CLDN14: variants seen among roughly 807,000 people sequenced by gnomAD.
CLDN14 encodes claudin 14, also known as claudin-14.
A neutral mutation model predicts 2.1 loss-of-function variants in CLDN14; 2 were observed. The observed-to-expected ratio is 0.96, with a 90% CI of 0.39 to 3.01. CLDN14 has a LOEUF of 3.01. Ranked by LOEUF, CLDN14 falls within the 30% of genes most tolerant of loss-of-function variation. The probability of loss-of-function intolerance (pLI) is 0.09; values close to 1 mark genes in which losing one functional copy is unlikely to be tolerated. For synonymous variants in CLDN14, 136 were observed against 154.4 expected (o/e 0.88, Z 0.88); for missense variants, 298 against 328.0 (o/e 0.91, Z 0.71).
chr21:36,532,747 A>G (rs1328639798), intron 1 of CLDN14, among the ~76,000 whole-genome samples: 1 of 152,194 alleles, frequency 6.6e-6, no homozygotes, highest in African/African-American at 2.4e-5. Flanking sequence ...GCGGGGAGAA[A>G]GAAAAATCAG....
rs573798801 is a variant in CLDN14 at position 36,531,291 on chromosome 21, GT to G, written c.-219-20792del. Among the ~76,000 whole-genome samples, 448 of 144,236 alleles carry G rather than the reference GT, an allele frequency of 3.1e-3. 6 individuals are homozygous for G. The East Asian group carries it at 0.051, about 16-fold the overall frequency. The allele number at this position is 144,236 out of a possible 152,430, so 94.6% of individuals were successfully genotyped here. ...AAATATATATATATTTGCTATAAAT[GT>G]TTTTTTTTTTTTGAGACAGTCTCAC... On this transcript the variant is annotated intron_variant, in intron 1 of 2. Coordinates refer to the CLDN14 transcript ENST00000342108.
chr21:36,542,186 A>G (rs2015187), intron 1 of CLDN14, among the ~76,000 whole-genome samples: 73,980 of 151,978 alleles, frequency 0.49, 20,199 homozygotes, highest in Middle Eastern at 0.63. Context: ...GCTGGTCTTG[A>G]ACTACTGACC....
At chr21:36,576,182 A>G (rs931982145) in intron 1 of CLDN14, among the ~76,000 whole-genome samples, 2 of 152,218 alleles carry the variant, frequency 1.3e-5, no homozygotes, top group East Asian at 3.9e-4. Context: ...GGTCACTTAA[A>G]ACAAGCTGGT....
intron 1 of CLDN14, among the ~76,000 whole-genome samples, chr21:36,568,508 G>A (rs1003216949): frequency 2.0e-5 from 3 of 152,178 alleles, no homozygotes; most frequent in African/African-American, 7.2e-5. Flanking sequence ...TGGGGCAGTG[G>A]GGGACAGTTC....
intron 1 of CLDN14, among the ~76,000 whole-genome samples, chr21:36,561,531 T>G (rs1049468714): frequency 2.0e-5 from 3 of 152,068 alleles, no homozygotes; most frequent in Non-Finnish European, 4.4e-5. Flanking sequence ...AGCTTAGCTA[T>G]CTAGTGGCCA....
At chr21:36,556,187 G>T (rs1195164885) in intron 1 of CLDN14, among the ~76,000 whole-genome samples, 1 of 152,126 alleles carries the variant, frequency 6.6e-6, no homozygotes, top group Non-Finnish European at 1.5e-5. Context: ...TTAGGGACTT[G>T]CCATTTGCTT....
chr21:36,561,788 A>T (rs371189), intron 1 of CLDN14, among the ~76,000 whole-genome samples: 1 of 152,070 alleles, frequency 6.6e-6, no homozygotes, highest in East Asian at 1.9e-4. Flanking sequence ...CCTTCTGTAG[A>T]CTACTTATGT....
At chr21:36,475,493 TTCGAGCTCCTCTCC>T in intron 1 of CLDN14, among the ~76,000 whole-genome samples, 1 of 152,334 alleles carries the variant, frequency 6.6e-6, no homozygotes, top group East Asian at 1.9e-4. Flanking sequence ...CATGGGAATT[TTCGAGCTCCTCTCC>T]CCCACCCGGT....
chr21:36,486,600 A>T (rs1450355235), intron 2 of CLDN14: 40 of 1,544,178 alleles, frequency 2.6e-5, no homozygotes, highest in Admixed American at 1.0e-4. Context: ...ACCAGATGAG[A>T]ACCGCTTCCA....
At chr21:36,539,109 A>T (rs975490141) in intron 1 of CLDN14, among the ~76,000 whole-genome samples, 19 of 152,246 alleles carry the variant, frequency 1.2e-4, no homozygotes, top group African/African-American at 4.3e-4. Context: ...CCAATTTAAG[A>T]GATGCCGAGA....
intron 1 of CLDN14, among the ~76,000 whole-genome samples, chr21:36,530,934 T>C (rs2087374450): frequency 6.6e-6 from 1 of 152,148 alleles, no homozygotes; most frequent in South Asian, 2.1e-4. Flanking sequence ...TAAAGCAACA[T>C]TTAAAATAAT....
At chr21:36,530,479 T>C (rs972074392) in intron 1 of CLDN14, among the ~76,000 whole-genome samples, 1 of 152,262 alleles carries the variant, frequency 6.6e-6, no homozygotes, top group Non-Finnish European at 1.5e-5. Context: ...ACACCTGCTA[T>C]GTGCAGGGCA....
At chr21:36,576,420 G>T (rs752527705) in exon 1 of CLDN14, 2 of 152,284 alleles carry the variant, frequency 1.3e-5, no homozygotes, top group Non-Finnish European at 2.9e-5. Context: ...CCGTGCTGCT[G>T]TGTCCTCAGC....
At chr21:36,484,544 A>G (rs187161892), upstream of CLDN14, among the ~76,000 whole-genome samples, 10 of 152,242 alleles carry the variant, frequency 6.6e-5, no homozygotes, top group African/African-American at 2.4e-4. Flanking sequence ...GGCCTCCTCC[A>G]GCTTCTGGTG....
intron 1 of CLDN14, among the ~76,000 whole-genome samples, chr21:36,537,272 GTTGTCTATAAGACAAC>G (rs1236410228): frequency 6.6e-6 from 1 of 152,092 alleles, no homozygotes; most frequent in Non-Finnish European, 1.5e-5. Flanking sequence ...AGGCTGTGGG[GTTGTCTATAAGACAAC>G]TCAGCTAGGC....
chr21:36,490,385 A>ATTTTTT lies in CLDN14; in HGVS notation c.-82+19972_-82+19977dup, dbSNP rs71198817. Among the ~76,000 whole-genome samples the ATTTTTT allele has an allele frequency of 3.1e-3, 318 of 102,070 alleles. 5 individuals are homozygous for ATTTTTT. The highest frequency in any genetic ancestry group is 0.021 in the South Asian group (58 of 2,826). 67.0% of individuals were successfully genotyped at this position (102,070 alleles called of 152,430 possible). A position where few individuals can be genotyped will look rare whatever the true frequency, so the allele number is the denominator to read the frequency against. Reference sequence around the variant, plus strand: ...TGTCTGCTAGTTCAATTTTTTTTTAATTTTTTTTTTTTTTTTTTTTTGTGA... The same window carrying ATTTTTT: ...TGTCTGCTAGTTCAATTTTTTTTTAATTTTTTTTTTTTTTTTTTTTTTTTTTTGTGA... On this transcript the variant is annotated intron_variant, in intron 2 of 2. Transcript: ENST00000342108.
At chr21:36,482,121 C>T (rs761939419), upstream of CLDN14, among the ~76,000 whole-genome samples, 1 of 152,158 alleles carries the variant, frequency 6.6e-6, no homozygotes, top group Non-Finnish European at 1.5e-5. Context: ...CATAATGGCT[C>T]AACATTTTGT....
intron 1 of CLDN14, among the ~76,000 whole-genome samples, chr21:36,548,115 C>G (rs943755136): frequency 6.6e-6 from 1 of 152,074 alleles, no homozygotes; most frequent in African/African-American, 2.4e-5. Context: ...CTGCAGATGC[C>G]GTTCCTTCCA....
At chr21:36,488,220 C>CCTTCCCTCCTTCCTTCCTTCCTT (rs2086917554) in intron 2 of CLDN14, among the ~76,000 whole-genome samples, 1 of 97,238 alleles carries the variant, frequency 1.0e-5, no homozygotes, top group African/African-American at 4.2e-5. Flanking sequence ...ACTGTGATTC[C>CCTTCCCTCCTTCCTTCCTTCCTT]CCTTCCTTCC....
Sources: gnomAD v4.1 joint callset for allele counts (sites outside exome capture counted in the v4.1 genomes callset) on GRCh38, gnomAD v4.1.1 for gene constraint, MANE v1.5 for transcripts, NCBI Gene and HGNC (gene_info 2026-07-23, HGNC 2026-07-21) for gene names.